Variants in UGT1A10 observed in about 807,000 individuals in gnomAD.
UGT1A10 encodes UDP-glucuronosyltransferase 1A10.
In UGT1A10, 49 loss-of-function variants were observed where a neutral mutation model predicts 45.8. The observed-to-expected ratio is 1.07, with a 90% confidence interval of 0.85 to 1.36. UGT1A10 has a LOEUF of 1.36. UGT1A10 is among the 40% of genes most tolerant of loss of function. UGT1A10 has a pLI of 0.00. For missense variants in UGT1A10, 745 were observed against 668.6 expected (o/e 1.11, Z -1.26); for synonymous variants, 284 against 249.7 (o/e 1.14, Z -1.29).
chr2:233,711,204 C>T (rs760514189), intron 1 of UGT1A10, among the ~76,000 whole-genome samples: 35 of 152,374 alleles, frequency 2.3e-4, no homozygotes, highest in Non-Finnish European at 4.4e-4. Context: ...CAGTCCTGCT[C>T]TCCCCAGTGC....
intron 1 of UGT1A10, among the ~76,000 whole-genome samples, chr2:233,698,139 C>A (rs1179532977): frequency 6.6e-6 from 1 of 152,188 alleles, no homozygotes; most frequent in South Asian, 2.1e-4. Context: ...TGTGTCTCAA[C>A]TGTATTCCCA....
At chr2:233,687,907 C>T (rs1438688999) in intron 1 of UGT1A10, among the ~76,000 whole-genome samples, 1 of 151,952 alleles carries the variant, frequency 6.6e-6, no homozygotes, top group Non-Finnish European at 1.5e-5. Flanking sequence ...GACCTTGTCT[C>T]AAAATAAATA....
chr2:233,767,100 GTC>G lies in UGT1A10; in HGVS notation c.925_926del (p.Ser309ArgfsTer12). 6.2e-7 allele frequency: 1 copy of G among 1,614,092 alleles called. No homozygotes were observed. The highest frequency in any genetic ancestry group is 8.5e-7 in the Non-Finnish European group (1 of 1,180,010). The stretch of plus-strand genomic sequence containing the variant: ...TGTGGTTTTCTCTTTGGGATCAATG[GTC>G]TCAGAAATTCCAGAGAAGAAAGCTA... ...GIVVFSLGSMVSEIPEKKAMA... is the reference protein window; with the variant it reads ...GIVVFSLGSMXSEIPEKKAMA... On this transcript the variant is annotated frameshift_variant, in exon 2 of 5. Transcript: ENST00000344644. LOFTEE classifies it high-confidence loss of function.
chr2:233,641,350 C>T (rs1025753585), intron 1 of UGT1A10, among the ~76,000 whole-genome samples: 28 of 152,154 alleles, frequency 1.8e-4, no homozygotes, highest in African/African-American at 6.8e-4. Context: ...CAACTTAACA[C>T]TATTTGCATA....
In UGT1A10 at chr2:233,641,297, G is replaced by A. The variant is rs190143348; in HGVS notation, c.855+3920G>A. ...TTGCCACCCATGACAGTTACCATAAGGCTTGCAAATACTATCTTATAAACC... is the reference window on the plus strand; with the variant it reads ...TTGCCACCCATGACAGTTACCATAAAGCTTGCAAATACTATCTTATAAACC... On this transcript the variant is annotated intron_variant, in intron 1 of 4. Coordinates refer to ENST00000344644, the MANE Select transcript of UGT1A10 (RefSeq NM_019075.4). Among the ~76,000 whole-genome samples the A allele has an allele frequency of 1.3e-3, 191 of 152,176 alleles. 1 individual carries two copies. The highest frequency in any genetic ancestry group is 4.3e-3 in the African/African-American group (179 of 41,532).
intron 1 of UGT1A10, among the ~76,000 whole-genome samples, chr2:233,669,543 T>C (rs917766414): frequency 1.6e-4 from 25 of 152,354 alleles, no homozygotes; most frequent in African/African-American, 6.0e-4. Context: ...GTATTTTTTA[T>C]TTTTGATGCT....
At position 233,682,359 on chromosome 2, in the gene UGT1A10, G is replaced by C. The variant is rs72551332; in HGVS notation, c.855+44982G>C. 2.6e-4 allele frequency: 418 copies of C among 1,614,054 alleles called. No homozygotes were observed. Among genetic ancestry groups the C allele is most frequent in the Middle Eastern group, 1.2e-3 (7 of 6,056 alleles). Reference sequence around the variant, plus strand: ...TTAGTAGAATACTTAAAGGAGAGTTGTTTTGATGCAGTGTTTCTCGATCCT... The same window carrying C: ...TTAGTAGAATACTTAAAGGAGAGTTCTTTTGATGCAGTGTTTCTCGATCCT... On this transcript the variant is annotated intron_variant, in intron 1 of 4. Coordinates refer to ENST00000344644, the MANE Select transcript of UGT1A10 (RefSeq NM_019075.4).
chr2:233,730,164 C>T (rs556230722), intron 1 of UGT1A10, among the ~76,000 whole-genome samples: 9 of 152,110 alleles, frequency 5.9e-5, no homozygotes, highest in Admixed American at 1.3e-4. Context: ...TCTCTAGTAG[C>T]GTATTTCAGG....
chr2:233,718,420 C>A (rs1464561381), intron 1 of UGT1A10, among the ~76,000 whole-genome samples: 1 of 152,172 alleles, frequency 6.6e-6, no homozygotes, highest in Non-Finnish European at 1.5e-5. Flanking sequence ...CAGCAGAGAA[C>A]ATGTGGTTGG....
intron 1 of UGT1A10, chr2:233,752,671 G>C (rs764603463): frequency 6.6e-6 from 1 of 152,170 alleles, no homozygotes; most frequent in Non-Finnish European, 1.5e-5. Flanking sequence ...AGGATCACTT[G>C]AGCCCAGAAA....
Position 233,769,043 on chromosome 2 carries a change from C to T in UGT1A10, c.1295+604C>T, listed in dbSNP as rs1699778649. 6.6e-6 allele frequency among the ~76,000 whole-genome samples: 1 copy of T among 152,118 alleles called. No individual in the cohort carries two copies. The highest frequency in any genetic ancestry group is 1.5e-5 in the Non-Finnish European group (1 of 68,028). On this transcript the variant is annotated intron_variant, in intron 4 of 4. Coordinates refer to ENST00000344644, the MANE Select transcript of UGT1A10 (RefSeq NM_019075.4). This position sits in a 1 kb window ranked among gnomAD's most constrained non-coding sequence, Gnocchi z 4.4. ...AAAGTTGCCATAATAGACATCTGATCCATAAGTTTCCTGCACAGAAAGAAA... is the reference window on the plus strand; with the variant it reads ...AAAGTTGCCATAATAGACATCTGATTCATAAGTTTCCTGCACAGAAAGAAA...
chr2:233,737,891 T>A (rs1690616471), intron 1 of UGT1A10, among the ~76,000 whole-genome samples: 1 of 152,132 alleles, frequency 6.6e-6, no homozygotes, highest in African/African-American at 2.4e-5. Flanking sequence ...AAAGCTAATT[T>A]TCGAGTGTGG....
intron 4 of UGT1A10, chr2:233,770,673 A>G (rs1176637451): frequency 6.6e-6 from 1 of 152,078 alleles, no homozygotes; most frequent in African/African-American, 2.4e-5. Context: ...AAAAAAAAAA[A>G]AAGAAGGTTC....
At chr2:233,730,362 G>A (rs1205514330) in intron 1 of UGT1A10, among the ~76,000 whole-genome samples, 3 of 152,178 alleles carry the variant, frequency 2.0e-5, no homozygotes, top group Non-Finnish European at 4.4e-5. Context: ...TTTTTTGCTA[G>A]CATGATTTTC....
rs139555179 is a variant in UGT1A10, at chr2:233,713,053, G to A, written c.856-53981G>A. ...GCCACAGGACTGCTGCTTCTCCTCA[G>A]TGTCCAGCCCTGGGCTGAGAGTGGG... is the stretch of plus-strand genomic sequence containing the variant. On this transcript the variant is annotated intron_variant, in intron 1 of 4. Coordinates refer to ENST00000344644, the MANE Select transcript of UGT1A10 (RefSeq NM_019075.4). 2.5e-6 allele frequency: 4 copies of A among 1,613,988 alleles called. No homozygotes were observed. In the African/African-American group the frequency reaches 5.3e-5, roughly 22 times the overall value.
chr2:233,658,093 A>G (rs1575406092), intron 1 of UGT1A10, among the ~76,000 whole-genome samples: 1 of 148,128 alleles, frequency 6.8e-6, no homozygotes. Context: ...ATCTTGGCTC[A>G]CTGCAACCTC....
intron 1 of UGT1A10, among the ~76,000 whole-genome samples, chr2:233,695,217 C>T (rs1474922395): frequency 6.6e-6 from 1 of 151,690 alleles, no homozygotes; most frequent in East Asian, 1.9e-4. Context: ...CCTCCACCTC[C>T]TGGGTTCAAG....
At chr2:233,760,852 C>A (rs770420506) in intron 1 of UGT1A10, 4 of 1,614,068 alleles carry the variant, frequency 2.5e-6, no homozygotes, top group Non-Finnish European at 3.4e-6. Flanking sequence ...GTGCCCCAAC[C>A]CATTCTCCTA....
intron 1 of UGT1A10, chr2:233,692,843 A>G (rs746217324): frequency 3.8e-5 from 55 of 1,453,204 alleles, no homozygotes; most frequent in Admixed American, 5.7e-5. Context: ...ATGGTTAAAT[A>G]TTAATTTGGG....
Sources: gnomAD v4.1 joint callset for allele counts (sites outside exome capture counted in the v4.1 genomes callset) on GRCh38, gnomAD v4.1.1 for gene constraint, Gnocchi (gnomAD v3.1) non-coding constraint, MANE v1.5 for transcripts, NCBI Gene and HGNC (gene_info 2026-07-23, HGNC 2026-07-21) for gene names.